PAK6: variants seen among roughly 807,000 people sequenced by gnomAD.
PAK6 encodes the protein p21 (RAC1) activated kinase 6, also known as serine/threonine-protein kinase PAK 6.
In PAK6, 33 loss-of-function variants were observed where a neutral mutation model predicts 60.8. The ratio of observed to expected loss-of-function variants is 0.54; its 90% CI spans 0.41 to 0.73. The LOEUF is 0.73. PAK6 is among the 30% of genes least tolerant of loss of function. PAK6 has a pLI of 0.00. For synonymous variants in PAK6, 404 were observed against 378.5 expected, an observed-to-expected ratio of 1.07 and a Z score of -0.78; for missense variants, 845 against 904.1, an observed-to-expected ratio of 0.93 and a Z score of 0.84.
At chr15:40,268,255 C>T (rs946242068) in intron 5 of PAK6, among the ~76,000 whole-genome samples, 3 of 152,172 alleles carry the variant, frequency 2.0e-5, no homozygotes, top group Admixed American at 6.5e-5. Flanking sequence ...CGAGCTGCTC[C>T]GGGCCGGGGC....
At chr15:40,275,150 C>A (rs1174240474) in intron 10 of PAK6, among the ~76,000 whole-genome samples, 1 of 152,130 alleles carries the variant, frequency 6.6e-6, no homozygotes, top group African/African-American at 2.4e-5. Flanking sequence ...CAAAATGAAC[C>A]AAGATAAGCC....
chr15:40,275,814 G>C (rs759606909), intron 10 of PAK6, 113 bp from the exon 11 acceptor site: 5 of 995,252 alleles, frequency 5.0e-6, no homozygotes, highest in Non-Finnish European at 7.6e-6. Flanking sequence ...AAGGGAACAG[G>C]AAGTTAAAAA....
rs190247894 is a variant in PAK6, at chr15:40,241,738, C to T, written c.-118+1057C>T. On this transcript the variant is annotated intron_variant, in intron 2 of 10. Transcript: ENST00000560346. ...GCTTTGTGAGTGCTCTGGGCCCTCC[C>T]GGACTTGCCAGACACAGGGAGGGTG... Among the ~76,000 whole-genome samples, 6 of 152,298 alleles carry T rather than the reference C, an allele frequency of 3.9e-5. No homozygotes were observed. In the South Asian group the frequency reaches 6.2e-4, roughly 16 times the overall value.
intron 2 of PAK6, among the ~76,000 whole-genome samples, chr15:40,242,190 C>G (rs1852768737): frequency 6.6e-6 from 1 of 152,144 alleles, no homozygotes; most frequent in South Asian, 2.1e-4. Flanking sequence ...GGACTCCAGA[C>G]AGCTGGCCTT....
intron 2 of PAK6, among the ~76,000 whole-genome samples, chr15:40,249,664 GATA>G (rs1458270953): frequency 6.6e-6 from 1 of 152,240 alleles, no homozygotes; most frequent in African/African-American, 2.4e-5. Context: ...GCAGGGAAGG[GATA>G]ATGTGTTTGT....
intron 3 of PAK6, 41 bp from the exon 4 acceptor site, chr15:40,264,740 T>A (rs750480560): frequency 6.3e-7 from 1 of 1,585,948 alleles, no homozygotes; most frequent in Non-Finnish European, 8.6e-7. Flanking sequence ...CAGCCACCCC[T>A]CTTTCCCGGG....
At chr15:40,261,640 T>C (rs2038989157) in intron 3 of PAK6, among the ~76,000 whole-genome samples, 1 of 152,182 alleles carries the variant, frequency 6.6e-6, no homozygotes, top group South Asian at 2.1e-4. Context: ...ACTTACACAG[T>C]TATGTTGTCC....
exon 2 of PAK6, chr15:40,240,633 G>A (rs1209624988): frequency 2.3e-6 from 1 of 430,352 alleles, no homozygotes; most frequent in Non-Finnish European, 4.5e-6. Context: ...ACAAGCACCA[G>A]CCTGCAGTGG....
chr15:40,242,999 G>A (rs563704686), intron 2 of PAK6, among the ~76,000 whole-genome samples: 4 of 152,294 alleles, frequency 2.6e-5, no homozygotes, highest in East Asian at 1.9e-4. Flanking sequence ...TGAGCTGAGC[G>A]TGGGGCCAAC....
intron 10 of PAK6, 22 bp downstream of exon 10, chr15:40,274,298 C>T (rs552690811): frequency 6.0e-5 from 94 of 1,574,948 alleles, no homozygotes; most frequent in Middle Eastern, 3.4e-4. Flanking sequence ...CACAAGGGTG[C>T]GACCTCGCAG....
intron 9 of PAK6, 79 bp downstream of exon 9, chr15:40,273,755 G>C (rs1180716032): frequency 6.5e-7 from 1 of 1,538,294 alleles, no homozygotes; most frequent in Non-Finnish European, 8.8e-7. Flanking sequence ...CCCCTCCAGT[G>C]AGCTCACCAA....
intron 2 of PAK6, among the ~76,000 whole-genome samples, chr15:40,243,817 A>G (rs540719354): frequency 6.6e-6 from 1 of 152,318 alleles, no homozygotes; most frequent in African/African-American, 2.4e-5. Flanking sequence ...GAGGACTTGA[A>G]GTGGGCTGCC....
At chr15:40,261,188 C>G (rs1266337940) in intron 3 of PAK6, among the ~76,000 whole-genome samples, 1 of 151,468 alleles carries the variant, frequency 6.6e-6, no homozygotes, top group Admixed American at 6.6e-5. Context: ...GCGCCTGGCC[C>G]TTTTTAAAAA....
rs2039228723 is a variant in PAK6, at chr15:40,269,025, TTAG to T, written c.858+2536_858+2538del. Among the ~76,000 whole-genome samples the T allele has an allele frequency of 2.0e-5, 3 of 152,172 alleles. No homozygotes were observed. The South Asian group carries it at 6.2e-4, about 31-fold the overall frequency. ...GGTAAGCCCTCAATAAATGGCTTTA[TTAG>T]TAGTATTTGAGATGGCGTCTCCCTC... On this transcript the variant is annotated intron_variant, in intron 5 of 10. Transcript: ENST00000560346.
At chr15:40,271,204 C>T (rs2039291949) in intron 5 of PAK6, among the ~76,000 whole-genome samples, 1 of 152,210 alleles carries the variant, frequency 6.6e-6, no homozygotes, top group Non-Finnish European at 1.5e-5. Flanking sequence ...CATATCACCG[C>T]TCCTTGGGGA....
At chr15:40,252,907 G>A (rs1259098425) in intron 2 of PAK6, 3 of 1,169,070 alleles carry the variant, frequency 2.6e-6, no homozygotes, top group Non-Finnish European at 3.2e-6. Flanking sequence ...CCGAGAGGGC[G>A]CAGCAGTGGG....
chr15:40,267,526 G>A (rs888410402), intron 5 of PAK6, among the ~76,000 whole-genome samples: 1 of 152,224 alleles, frequency 6.6e-6, no homozygotes, highest in Non-Finnish European at 1.5e-5. Flanking sequence ...GGGCGCGGTG[G>A]CGGGCGCCTG....
At chr15:40,252,274 A>G in intron 2 of PAK6, 1 of 1,208,146 alleles carries the variant, frequency 8.3e-7, no homozygotes, top group South Asian at 1.5e-5. Flanking sequence ...GTGATTACAC[A>G]CAGCCGGCGC....
At chr15:40,264,645 G>C in intron 3 of PAK6, 136 bp from the exon 4 acceptor site, 1 of 708,592 alleles carries the variant, frequency 1.4e-6, no homozygotes, top group African/African-American at 1.8e-5. Flanking sequence ...AGCAGAGATG[G>C]AGGTGGAGGG....
Sources: allele counts gnomAD v4.1 joint callset (sites outside exome capture counted in the v4.1 genomes callset), GRCh38; gene constraint gnomAD v4.1.1; transcripts MANE v1.5; gene names NCBI Gene and HGNC (gene_info 2026-07-23, HGNC 2026-07-21).